FOXN3: variants seen among roughly 807,000 people sequenced by gnomAD.
FOXN3 encodes the protein forkhead box N3.
FOXN3 carries 7 observed loss-of-function variants against 38.4 expected under a neutral mutation model. That is an observed-to-expected ratio of 0.18 (90% CI 0.10 to 0.34). The LOEUF is 0.34. Ranked by LOEUF, FOXN3 falls within the 10% of genes least tolerant of loss-of-function variation. The pLI, the probability that FOXN3 is intolerant of heterozygous loss-of-function variation, is 1.00. For synonymous variants in FOXN3, 230 were observed against 242.2 expected (o/e 0.95, Z 0.47); for missense variants, 456 against 613.4 (o/e 0.74, Z 2.71).
chr14:89,447,145 G>A lies in FOXN3; in HGVS notation c.-14-34655C>T, dbSNP rs191725906. On this transcript the variant is annotated intron_variant, in intron 1 of 6. Coordinates refer to the FOXN3 transcript ENST00000345097. ...CGGGAGGCAGAGGTTGCAGTGAGCC[G>A]AGATCGCGCCATTGCACTCCAGCCT... Among the ~76,000 whole-genome samples, 361 of 150,784 alleles carry A rather than the reference G, an allele frequency of 2.4e-3. 1 individual carries two copies. The highest frequency in any genetic ancestry group is 8.2e-3 in the African/African-American group (336 of 40,928).
At chr14:89,429,983 T>C (rs1215902511) in intron 1 of FOXN3, among the ~76,000 whole-genome samples, 1 of 152,118 alleles carries the variant, frequency 6.6e-6, no homozygotes, top group Non-Finnish European at 1.5e-5. Context: ...TTCTGTTTAC[T>C]TTTTTTTACT....
chr14:89,427,218 G>T (rs938410715), intron 1 of FOXN3, among the ~76,000 whole-genome samples: 9 of 135,058 alleles, frequency 6.7e-5, no homozygotes, highest in African/African-American at 2.2e-4. Context: ...GACAGAGTGA[G>T]CCTCTGTCTC....
chr14:89,418,422 C>CA (rs1189824742), upstream of FOXN3, among the ~76,000 whole-genome samples: 12 of 127,902 alleles, frequency 9.4e-5, no homozygotes, highest in South Asian at 3.4e-4. Flanking sequence ...ACCCCCCCCC[C>CA]CCAATCTGAG....
intron 1 of FOXN3, among the ~76,000 whole-genome samples, chr14:89,501,578 G>A (rs1482581276): frequency 1.3e-5 from 2 of 152,122 alleles, no homozygotes; most frequent in African/African-American, 4.8e-5. Context: ...AATCCAGAGG[G>A]TGTACTCATC....
At chr14:89,507,976 G>A (rs893475680) in intron 1 of FOXN3, among the ~76,000 whole-genome samples, 3 of 152,128 alleles carry the variant, frequency 2.0e-5, no homozygotes, top group South Asian at 2.1e-4. Context: ...AGTCCCTCAG[G>A]AGTTAACAAT....
chr14:89,393,494 T>C (rs1008983675), intron 2 of FOXN3, among the ~76,000 whole-genome samples: 10 of 152,292 alleles, frequency 6.6e-5, no homozygotes, highest in African/African-American at 1.9e-4. Flanking sequence ...TCTGAACAGA[T>C]TATCTGAAAA....
intron 4 of FOXN3, among the ~76,000 whole-genome samples, chr14:89,218,537 A>T (rs985418351): frequency 3.3e-5 from 5 of 152,276 alleles, no homozygotes; most frequent in African/African-American, 1.2e-4. Flanking sequence ...ACAAACGTAT[A>T]CATTGTTCTA....
At chr14:89,313,554 CT>C (rs1316462023) in intron 3 of FOXN3, among the ~76,000 whole-genome samples, 388 of 139,800 alleles carry the variant, frequency 2.8e-3, no homozygotes, top group Non-Finnish European at 2.2e-3. Context: ...AAGATGCTGT[CT>C]TAAAAAAAAA....
intron 1 of FOXN3, among the ~76,000 whole-genome samples, chr14:89,436,849 T>C (rs1332646463): frequency 6.6e-6 from 1 of 152,174 alleles, no homozygotes. Context: ...ATCACTGAAC[T>C]TAAAAGTATG....
chr14:89,497,772 G>A (rs763356693), intron 1 of FOXN3, among the ~76,000 whole-genome samples: 1 of 152,156 alleles, frequency 6.6e-6, no homozygotes, highest in Non-Finnish European at 1.5e-5. Context: ...GGACTTGCTG[G>A]ATCATATGGT....
intron 4 of FOXN3, among the ~76,000 whole-genome samples, chr14:89,207,462 A>C (rs1392494183): frequency 1.3e-5 from 2 of 152,248 alleles, no homozygotes. Flanking sequence ...TGTATGTTTA[A>C]GAATCTGTAA....
At chr14:89,289,722 C>T (rs1305180767) in intron 3 of FOXN3, among the ~76,000 whole-genome samples, 1 of 152,152 alleles carries the variant, frequency 6.6e-6, no homozygotes, top group African/African-American at 2.4e-5. Context: ...AATACGTACT[C>T]CTGCTGACAG....
intron 1 of FOXN3, among the ~76,000 whole-genome samples, chr14:89,533,925 G>A (rs970716744): frequency 2.0e-5 from 3 of 151,632 alleles, no homozygotes; most frequent in Non-Finnish European, 4.4e-5. Context: ...TTGCTTGACT[G>A]GTTTTTGGCT....
chr14:89,334,006 A>ATATATATATGTATG (rs1555418840), intron 3 of FOXN3, among the ~76,000 whole-genome samples: 55 of 49,290 alleles, frequency 1.1e-3, no homozygotes, highest in African/African-American at 3.2e-3. Context: ...ATATATATAT[A>ATATATATATGTATG]TATGTATATA....
intron 3 of FOXN3, among the ~76,000 whole-genome samples, chr14:89,288,429 C>G (rs1203075680): frequency 5.3e-5 from 8 of 152,148 alleles, no homozygotes; most frequent in Non-Finnish European, 8.8e-5. Flanking sequence ...TGACAGGTGG[C>G]AGCTGCTCTG....
chr14:89,384,001 C>A (rs1890728800), intron 2 of FOXN3, among the ~76,000 whole-genome samples: 1 of 151,876 alleles, frequency 6.6e-6, no homozygotes, highest in African/African-American at 2.4e-5. Context: ...AAATAAGACT[C>A]CAGGTGGACA....
At chr14:89,309,278 G>C (rs1887463425) in intron 3 of FOXN3, among the ~76,000 whole-genome samples, 1 of 151,976 alleles carries the variant, frequency 6.6e-6, no homozygotes, top group Non-Finnish European at 1.5e-5. Context: ...CAAGCCTCCA[G>C]GAGTTGCCAC....
chr14:89,463,993 AG>A (rs1892917055), intron 1 of FOXN3, among the ~76,000 whole-genome samples: 1 of 152,194 alleles, frequency 6.6e-6, no homozygotes, highest in South Asian at 2.1e-4. Flanking sequence ...CATGTTGGCC[AG>A]GCTGGTCTTG....
chr14:89,424,324 T>G lies in FOXN3; in HGVS notation c.-14-11834A>C, dbSNP rs143569666. Among the ~76,000 whole-genome samples, 15 of 152,276 alleles carry G rather than the reference T, an allele frequency of 9.9e-5. No individual in the cohort carries two copies. The East Asian group carries it at 2.7e-3, about 27-fold the overall frequency. ...AAGAGTTTAGGGGAAAATGAATATG[T>G]TGGCAAAGCGCTTCACAAAATTAAA... is the stretch of plus-strand genomic sequence containing the variant. On this transcript the variant is annotated intron_variant, in intron 1 of 6. Coordinates refer to the FOXN3 transcript ENST00000345097.
Sources: gnomAD v4.1 joint callset for allele counts (sites outside exome capture counted in the v4.1 genomes callset) on GRCh38, gnomAD v4.1.1 for gene constraint, MANE v1.5 for transcripts, NCBI Gene and HGNC (gene_info 2026-07-23, HGNC 2026-07-21) for gene names.